The following PLD1 variants were observed in gnomAD, a reference collection of about 807,000 sequenced individuals.
PLD1 encodes the protein choline phosphatase 1.
Under a neutral mutation model 137.1 loss-of-function variants are expected in PLD1, and 112 were observed. The observed-to-expected ratio is 0.82, with a 90% CI of 0.70 to 0.96. PLD1 has a LOEUF of 0.96. Among genes scored for constraint, PLD1 ranks in the 40% least tolerant of loss-of-function variants. The pLI, the probability that PLD1 is intolerant of heterozygous loss-of-function variation, is 0.00. For missense variants in PLD1, 1,321 were observed against 1,342.0 expected (o/e 0.98, Z 0.24); for synonymous variants, 431 against 454.7 (o/e 0.95, Z 0.66).
At chr3:171,747,470 CTT>C (rs200205947) in intron 1 of PLD1, among the ~76,000 whole-genome samples, 8 of 143,102 alleles carry the variant, frequency 5.6e-5, no homozygotes, top group South Asian at 2.2e-4. Context: ...CTCTTCCTCT[CTT>C]TTTTTTTTTT....
intron 1 of PLD1, among the ~76,000 whole-genome samples, chr3:171,787,171 TGTCC>T (rs1723041268): frequency 6.6e-6 from 1 of 152,154 alleles, no homozygotes; most frequent in Non-Finnish European, 1.5e-5. Context: ...CCATTCTGCT[TGTCC>T]ACCTCTGGGC....
At position 171,687,417 on chromosome 3, in the gene PLD1, G is replaced by A. The variant is rs1312726208; in HGVS notation, c.1707C>T (p.His569=). The A allele has an allele frequency of 6.2e-7, 1 of 1,614,102 alleles. No individual in the cohort carries two copies. The highest frequency in any genetic ancestry group is 8.5e-7 in the Non-Finnish European group (1 of 1,180,000). ...TGATGCTATCTGCGTCGTGCAGGTG[G>A]TGCCTGTGGAGCTGCTTGTAGAGAC... ...KFSLYKQLHR[H]HLHDADSISS... is the part of the protein sequence containing the mutation. Residue 569 remains histidine, a synonymous_variant, in exon 15 of 27, where the codon CAC becomes CAT. Coordinates refer to ENST00000351298, the MANE Select transcript of PLD1 (RefSeq NM_002662.5).
chr3:171,726,639 AC>A (rs1718535349), intron 6 of PLD1, among the ~76,000 whole-genome samples: 1 of 152,202 alleles, frequency 6.6e-6, no homozygotes, highest in African/African-American at 2.4e-5. Flanking sequence ...AGGGCTTTGA[AC>A]ATCAGGCATA....
chr3:171,681,891 A>T (rs1045260175), intron 16 of PLD1, among the ~76,000 whole-genome samples: 1 of 152,144 alleles, frequency 6.6e-6, no homozygotes, highest in Non-Finnish European at 1.5e-5. Context: ...AGCCTGTCTC[A>T]ACTAAATTGC....
At chr3:171,678,367 A>G (rs572190696) in intron 16 of PLD1, among the ~76,000 whole-genome samples, 3 of 152,358 alleles carry the variant, frequency 2.0e-5, no homozygotes, top group Non-Finnish European at 2.9e-5. Flanking sequence ...ACTTCAAATC[A>G]TAGATGGCAT....
intron 1 of PLD1, among the ~76,000 whole-genome samples, chr3:171,739,855 C>A (rs1207651856): frequency 6.6e-6 from 1 of 152,172 alleles, no homozygotes; most frequent in Non-Finnish European, 1.5e-5. Flanking sequence ...ATATTCTCAA[C>A]CACGACCTTT....
intron 1 of PLD1, among the ~76,000 whole-genome samples, chr3:171,769,793 A>C (rs1361408320): frequency 1.3e-5 from 2 of 152,182 alleles, no homozygotes; most frequent in African/African-American, 4.8e-5. Flanking sequence ...ATTTTTTTTA[A>C]GCAGAGAAGA....
At chr3:171,801,503 A>G (rs1004221565) in intron 1 of PLD1, among the ~76,000 whole-genome samples, 21 of 152,212 alleles carry the variant, frequency 1.4e-4, no homozygotes, top group African/African-American at 4.8e-4. Flanking sequence ...ATCTCAGCTC[A>G]CTGTAACCTC....
Position 171,695,226 on chromosome 3 carries a change from G to GA in PLD1, c.1228-2785dup, listed in dbSNP as rs374925743. Among the ~76,000 whole-genome samples, 214 of 150,308 alleles carry GA rather than the reference G, an allele frequency of 1.4e-3. 3 individuals carry two copies. Among genetic ancestry groups the GA allele is most frequent in the African/African-American group, 4.9e-3 (200 of 41,052 alleles). Reference sequence around the variant, plus strand: ...TATTTCTGCAAAATGAAAGCCAAAGGAAAAAAAAACCTGATGATGTTAATT... The same window carrying GA: ...TATTTCTGCAAAATGAAAGCCAAAGGAAAAAAAAAACCTGATGATGTTAATT... On this transcript the variant is annotated intron_variant, in intron 12 of 26. Coordinates refer to ENST00000351298, the MANE Select transcript of PLD1 (RefSeq NM_002662.5).
chr3:171,731,766 C>T (rs1440936887), intron 6 of PLD1, among the ~76,000 whole-genome samples: 1 of 151,438 alleles, frequency 6.6e-6, no homozygotes, highest in Admixed American at 6.6e-5. Flanking sequence ...AGCAAGACTC[C>T]ATCCCAAAAA....
intron 11 of PLD1, among the ~76,000 whole-genome samples, chr3:171,704,599 TTAAAA>T (rs1186427150): frequency 6.6e-6 from 1 of 152,028 alleles, no homozygotes; most frequent in Non-Finnish European, 1.5e-5. Flanking sequence ...GTGAACACTC[TTAAAA>T]TGAATGAAAA....
At chr3:171,706,124 GTCTATCTATCTA>G (rs59943551) in intron 11 of PLD1, among the ~76,000 whole-genome samples, 66 of 146,876 alleles carry the variant, frequency 4.5e-4, no homozygotes, top group African/African-American at 1.5e-3. Flanking sequence ...GGGTCAGTCA[GTCTATCTATCTA>G]TCTATCTATC....
intron 23 of PLD1, among the ~76,000 whole-genome samples, chr3:171,634,202 G>A (rs1734916017): frequency 6.6e-6 from 1 of 152,016 alleles, no homozygotes; most frequent in African/African-American, 2.4e-5. Flanking sequence ...TCATAAACAG[G>A]CTTAGCATTG....
intron 1 of PLD1, among the ~76,000 whole-genome samples, chr3:171,776,926 C>G (rs1722610237): frequency 1.3e-5 from 2 of 152,124 alleles, no homozygotes; most frequent in Non-Finnish European, 2.9e-5. Flanking sequence ...AATTTTATCT[C>G]AAGGTTAACT....
intron 21 of PLD1, among the ~76,000 whole-genome samples, chr3:171,645,242 T>A (rs1401089040): frequency 6.6e-6 from 1 of 152,120 alleles, no homozygotes; most frequent in Non-Finnish European, 1.5e-5. Context: ...AAGCTAAACT[T>A]GGCAGTAAAG....
chr3:171,624,618 T>C (rs1733928152), intron 23 of PLD1, among the ~76,000 whole-genome samples: 1 of 152,146 alleles, frequency 6.6e-6, no homozygotes, highest in South Asian at 2.1e-4. Context: ...TAGAAGCATA[T>C]AATGGTTGTT....
intron 12 of PLD1, among the ~76,000 whole-genome samples, chr3:171,695,261 A>C (rs1480794187): frequency 2.6e-5 from 4 of 152,228 alleles, no homozygotes; most frequent in Non-Finnish European, 4.4e-5. Flanking sequence ...TCTGCAATTT[A>C]AAAAATACAC....
chr3:171,805,296 G>T (rs990624347), intron 1 of PLD1, among the ~76,000 whole-genome samples: 3 of 152,148 alleles, frequency 2.0e-5, no homozygotes, highest in African/African-American at 7.2e-5. Flanking sequence ...AGGGTCACGG[G>T]CATTAGGAGC....
intron 12 of PLD1, among the ~76,000 whole-genome samples, chr3:171,697,144 T>C (rs7624044): frequency 0.5 from 76,469 of 151,988 alleles, 20,218 homozygotes; most frequent in African/African-American, 0.66. Flanking sequence ...CTTAGATGTC[T>C]TGTAGACACT....
Sources: allele counts gnomAD v4.1 joint callset (sites outside exome capture counted in the v4.1 genomes callset), GRCh38; gene constraint gnomAD v4.1.1; transcripts MANE v1.5; gene names NCBI Gene and HGNC (gene_info 2026-07-23, HGNC 2026-07-21).